Variants in TBC1D9B observed in about 807,000 individuals in gnomAD.
TBC1D9B encodes the protein TBC1 domain family member 9B, also known as TBC1 domain family, member 9B (with GRAM domain).
In TBC1D9B, 87 loss-of-function variants were observed where a neutral mutation model predicts 121.1. The observed-to-expected ratio is 0.72, with a 90% CI of 0.60 to 0.86. The LOEUF (loss-of-function observed/expected upper bound fraction) is 0.86. Ranked by LOEUF, TBC1D9B falls within the 40% of genes least tolerant of loss-of-function variation. TBC1D9B has a pLI of 0.00. For missense variants in TBC1D9B, 1,540 were observed against 1,628.6 expected, an observed-to-expected ratio of 0.95 and a Z score of 0.94; for synonymous variants, 668 against 670.1, an observed-to-expected ratio of 1.00 and a Z score of 0.05.
chr5:179,862,950 G>A lies in TBC1D9B; in HGVS notation c.*498C>T. 4.0e-6 allele frequency: 1 copy of A among 252,240 alleles called. No individual in the cohort carries two copies. Among genetic ancestry groups the A allele is most frequent in the Non-Finnish European group, 8.2e-6 (1 of 122,566 alleles). The allele number at this position is 252,240 out of a possible 1,614,324, so 15.6% of individuals were successfully genotyped here. A position where few individuals can be genotyped will look rare whatever the true frequency, so the allele number is the denominator to read the frequency against. On this transcript the variant is annotated 3_prime_UTR_variant, in exon 21 of 21. Transcript: ENST00000355235. Reference sequence around the variant, plus strand: ...TTCTGCCCATGTTCCTCAGTCAGGAGGTTCAGGCTCCCGGAGAGCACCTGA... The same window carrying A: ...TTCTGCCCATGTTCCTCAGTCAGGAAGTTCAGGCTCCCGGAGAGCACCTGA...
chr5:179,878,990 G>A (rs928878612), intron 9 of TBC1D9B, 57 bp downstream of exon 9: 1 of 1,575,198 alleles, frequency 6.3e-7, no homozygotes, highest in African/African-American at 1.3e-5. Context: ...CTCACACGGG[G>A]AGAGCTTGGG....
Position 179,869,928 on chromosome 5 carries a change from G to A in TBC1D9B, c.2726-94C>T, listed in dbSNP as rs369943125. 4.8e-6 allele frequency: 6 copies of A among 1,238,134 alleles called. No individual in the cohort carries two copies. The Admixed American group carries it at 1.3e-4, about 27-fold the overall frequency. 76.7% of individuals were successfully genotyped at this position (1,238,134 alleles called of 1,614,324 possible). On this transcript the variant is annotated intron_variant, in intron 16 of 20. Transcript: ENST00000355235. ...TAGGACCCTCTTCACAGCCTGTGCT[G>A]CCCAACTCCCTCCTGGAGAGGTCAC...
At chr5:179,876,115 G>A in intron 10 of TBC1D9B, 78 bp from the exon 11 acceptor site, 1 of 1,151,990 alleles carries the variant, frequency 8.7e-7, no homozygotes, top group South Asian at 1.5e-5. Flanking sequence ...ACCCCTCCCA[G>A]CCACCCCTCC....
Position 179,875,215 on chromosome 5 carries a change from G to A in TBC1D9B, c.1901-28C>T. On this transcript the variant is annotated intron_variant, in intron 11 of 20. Transcript: ENST00000355235. The surrounding 1 kb of genome is among the most constrained non-coding windows in gnomAD (Gnocchi z 4.5). ...GCGGGCAGGATGAGCGAGGCTGATGGTGAGCCCACCCTGTGGCCTGGGTGG... is the reference window on the plus strand; with the variant it reads ...GCGGGCAGGATGAGCGAGGCTGATGATGAGCCCACCCTGTGGCCTGGGTGG... 1 of 1,605,654 alleles carries A rather than the reference G, an allele frequency of 6.2e-7. No individual in the cohort carries two copies. The highest frequency in any genetic ancestry group is 8.5e-7 in the Non-Finnish European group (1 of 1,177,292).
At position 179,907,672 on chromosome 5, in the gene TBC1D9B, C is replaced by G. The variant is rs1158176298; in HGVS notation, c.118+32G>C. The G allele has an allele frequency of 3.0e-6, 3 of 988,346 alleles. No homozygotes were observed. The highest frequency in any genetic ancestry group is 3.6e-6 in the Non-Finnish European group (3 of 828,900). The allele number at this position is 988,346 out of a possible 1,614,324, so 61.2% of individuals were successfully genotyped here. On this transcript the variant is annotated intron_variant, in intron 1 of 20. Transcript: ENST00000355235. This position sits in a 1 kb window ranked among gnomAD's most constrained non-coding sequence, Gnocchi z 5.3. ...CCCCGCCGCCAGCCCAGCCGCGGCGCCCACAGGCCCGGCCGCCCGCGCGCC... is the reference window on the plus strand; with the variant it reads ...CCCCGCCGCCAGCCCAGCCGCGGCGGCCACAGGCCCGGCCGCCCGCGCGCC...
intron 9 of TBC1D9B, among the ~76,000 whole-genome samples, 154 bp downstream of exon 9, chr5:179,878,886 GCCAGAGC>G (rs374030686): frequency 4.0e-5 from 6 of 151,772 alleles, no homozygotes; most frequent in African/African-American, 9.7e-5. Context: ...TGGGTCCCGG[GCCAGAGC>G]CCAGAGCCCA....
rs764765099 is a variant in TBC1D9B, at chr5:179,878,364, A to G, written c.1727T>C (p.Leu576Pro). 1 of 1,613,862 alleles carries G rather than the reference A, an allele frequency of 6.2e-7. No individual in the cohort carries two copies. Among genetic ancestry groups the G allele is most frequent in the Non-Finnish European group, 8.5e-7 (1 of 1,180,016 alleles). Residue 576 changes from leucine to proline, a missense_variant, in exon 10 of 21, where the codon CTC becomes CCC. By Grantham distance (98) the Leu-to-Pro change is moderately conservative. Coordinates refer to ENST00000355235, the MANE Select transcript of TBC1D9B (RefSeq NM_015043.4). ...GGCATAGGCAGTCAGCACCCGCCGG[A>G]GGGCAGCAATCCCCAGCTCGTTCTG... ...AFQNELGIAA[L>P]RRVLTAYAFR...
At chr5:179,887,782 G>A (rs1005476760) in intron 7 of TBC1D9B, 9 of 374,574 alleles carry the variant, frequency 2.4e-5, no homozygotes, top group East Asian at 1.3e-4. Context: ...GAACAAAGCC[G>A]AAGTGTACAG....
chr5:179,892,078 C>G (rs565581560), intron 5 of TBC1D9B, among the ~76,000 whole-genome samples: 393 of 152,338 alleles, frequency 2.6e-3, no homozygotes, highest in Non-Finnish European at 4.7e-3. Flanking sequence ...GAAATGCACA[C>G]CTGTGTATCT....
At chr5:179,868,424 A>C (rs1430574358) in intron 17 of TBC1D9B, 1 of 152,074 alleles carries the variant, frequency 6.6e-6, no homozygotes, top group Non-Finnish European at 1.5e-5. Flanking sequence ...CAAGTGATCC[A>C]CCCGCCTGGG....
chr5:179,894,580 G>A lies in TBC1D9B; in HGVS notation c.383C>T (p.Pro128Leu). The A allele has an allele frequency of 6.2e-7, 1 of 1,614,210 alleles. No homozygotes were observed. Among genetic ancestry groups the A allele is most frequent in the Non-Finnish European group, 8.5e-7 (1 of 1,180,034 alleles). The change falls in exon 4 of 21, where the codon CCC (proline) becomes CTC (leucine). Residue 128 changes from proline (P) to leucine (L), a missense_variant. Pro to Leu is a moderately conservative substitution (Grantham distance 98, BLOSUM62 -3). Transcript: ENST00000355235. ...CTTCCCGGGGTCCTCGTCTCCCTGG[G>A]GCTGCAGGTTCTTGTTCTCTTCTGC... ...IIAEENKNLQ[P>L]QGDEDPGKFK...
In TBC1D9B at chr5:179,881,946, G is replaced by GTTTTTTTTTTTTTT. The variant is rs796278508; in HGVS notation, c.1255-2171_1255-2158dup. 2.5e-4 allele frequency among the ~76,000 whole-genome samples: 32 copies of GTTTTTTTTTTTTTT among 128,284 alleles called. 2 individuals are homozygous for GTTTTTTTTTTTTTT. The highest frequency in any genetic ancestry group is 1.0e-3 in the African/African-American group (30 of 29,964). The allele number at this position is 128,284 out of a possible 152,430, so 84.2% of individuals were successfully genotyped here. Reference sequence around the variant, plus strand: ...TTCCATATCTTTCCATATACCTTCCGTTTTTTTTTTTTTTTTGAGATGGAG... The same window carrying GTTTTTTTTTTTTTT: ...TTCCATATCTTTCCATATACCTTCCGTTTTTTTTTTTTTTTTTTTTTTTTTTTTTTGAGATGGAG... On this transcript the variant is annotated intron_variant, in intron 7 of 20. Coordinates refer to ENST00000355235, the MANE Select transcript of TBC1D9B (RefSeq NM_015043.4).
chr5:179,893,396 T>C lies in TBC1D9B; in HGVS notation c.649A>G (p.Ile217Val), dbSNP rs1243117554. 3 of 1,614,154 alleles carry C rather than the reference T, an allele frequency of 1.9e-6. No homozygotes were observed. Among genetic ancestry groups the C allele is most frequent in the Non-Finnish European group, 2.5e-6 (3 of 1,180,010 alleles). The change falls in exon 5 of 21, where the codon ATC becomes GTC. Residue 217 changes from isoleucine to valine, a missense_variant. Physicochemically the swap from Ile to Val is conservative, Grantham distance 29. Transcript: ENST00000355235. ...TCCTGGTCGCGGGTGTCCACACGGA[T>C]GCTCTCGGGGAAGAGCAGGGTGGCG... ...KNATLLFPES[I>V]RVDTRDQELF...
At chr5:179,900,827 A>G (rs32461) in intron 2 of TBC1D9B, among the ~76,000 whole-genome samples, 104,546 of 152,036 alleles carry the variant, frequency 0.69, 37,856 homozygotes, top group African/African-American at 0.91. Context: ...GCACTACGGC[A>G]CTATGCTCGG....
At chr5:179,884,026 T>G (rs1760608534) in intron 7 of TBC1D9B, among the ~76,000 whole-genome samples, 1 of 152,208 alleles carries the variant, frequency 6.6e-6, no homozygotes, top group Admixed American at 6.5e-5. Context: ...CAGTCCTTTT[T>G]TTCTTGGGGT....
chr5:179,867,416 G>A, intron 18 of TBC1D9B: 1 of 1,547,926 alleles, frequency 6.5e-7, no homozygotes. Flanking sequence ...AGGAGGTACA[G>A]GGGGCGCCCC....
Position 179,879,044 on chromosome 5 carries a change from C to T in TBC1D9B, c.1567+3G>A. 6.2e-7 allele frequency: 1 copy of T among 1,600,856 alleles called. No homozygotes were observed. The highest frequency in any genetic ancestry group is 8.5e-7 in the Non-Finnish European group (1 of 1,179,594). ...AGGCTGGGGGTGGCTGCACCCCACT[C>T]ACCGGAGAAGAGGAGCCACAGCTCT... is the stretch of plus-strand genomic sequence containing the variant. On this transcript the variant is annotated splice_donor_region_variant and intron_variant, in intron 9 of 20. Coordinates refer to ENST00000355235, the MANE Select transcript of TBC1D9B (RefSeq NM_015043.4).
At position 179,907,008 on chromosome 5, in the gene TBC1D9B, A is replaced by AG. The variant is rs1761339377; in HGVS notation, c.118+695dup. On this transcript the variant is annotated intron_variant, in intron 1 of 20. Transcript: ENST00000355235. This position sits in a 1 kb window ranked among gnomAD's most constrained non-coding sequence, Gnocchi z 5.3. Reference sequence around the variant, plus strand: ...CCTGTGGGCCTCCCCTGGATCCCACAGGCCGCACGACTCCAAGGGTGCCTG... The same window carrying AG: ...CCTGTGGGCCTCCCCTGGATCCCACAGGGCCGCACGACTCCAAGGGTGCCTG... Among the ~76,000 whole-genome samples the AG allele has an allele frequency of 6.6e-6, 1 of 152,138 alleles. No homozygotes were observed. The highest frequency in any genetic ancestry group is 2.4e-5 in the African/African-American group (1 of 41,452).
At chr5:179,898,677 G>C (rs888766517) in intron 3 of TBC1D9B, among the ~76,000 whole-genome samples, 10 of 150,574 alleles carry the variant, frequency 6.6e-5, no homozygotes, top group African/African-American at 2.5e-4. Flanking sequence ...TTGAACTCCT[G>C]ACCTCAGATG....
Sources: gnomAD v4.1 joint callset for allele counts (sites outside exome capture counted in the v4.1 genomes callset) on GRCh38, gnomAD v4.1.1 for gene constraint, Gnocchi (gnomAD v3.1) non-coding constraint, MANE v1.5 for transcripts, NCBI Gene and HGNC (gene_info 2026-07-23, HGNC 2026-07-21) for gene names.